Variants in ELP4 observed in about 807,000 individuals in gnomAD.
ELP4 encodes elongator acetyltransferase complex subunit 4.
ELP4 carries 51 observed loss-of-function variants against 48.9 expected under a neutral mutation model. The ratio of observed to expected loss-of-function variants is 1.04; its 90% CI spans 0.83 to 1.32. ELP4 has a LOEUF of 1.32. Among genes scored for constraint, ELP4 ranks in the 40% most tolerant of loss-of-function variants. ELP4 has a pLI of 0.00. For synonymous variants in ELP4, 210 were observed against 189.2 expected (o/e 1.11, Z -0.90); for missense variants, 519 against 514.6 (o/e 1.01, Z -0.08).
At chr11:31,743,852 C>T (rs1203410694) in intron 9 of ELP4, among the ~76,000 whole-genome samples, 1 of 152,062 alleles carries the variant, frequency 6.6e-6, no homozygotes, top group Admixed American at 6.5e-5. Flanking sequence ...AAAGCAAGAG[C>T]AAACACATTC....
intron 2 of ELP4, among the ~76,000 whole-genome samples, chr11:31,538,158 T>C (rs1477124324): frequency 6.6e-6 from 1 of 151,384 alleles, no homozygotes; most frequent in Non-Finnish European, 1.5e-5. Context: ...TATGTAGAAG[T>C]ACAATCAATA....
At chr11:31,694,301 A>C (rs568808032) in intron 9 of ELP4, among the ~76,000 whole-genome samples, 13 of 152,298 alleles carry the variant, frequency 8.5e-5, no homozygotes, top group South Asian at 2.1e-4. Flanking sequence ...TTTAGGTCTA[A>C]CATGTAAGTC....
Position 31,790,010 on chromosome 11 carries a change from G to T in ELP4, c.*6486G>T. 1 of 1,529,572 alleles carries T rather than the reference G, an allele frequency of 6.5e-7. No homozygotes were observed. Among genetic ancestry groups the T allele is most frequent in the Non-Finnish European group, 8.8e-7 (1 of 1,138,894 alleles). The allele number at this position is 1,529,572 out of a possible 1,614,324, so 94.8% of individuals were successfully genotyped here. On this transcript the variant is annotated 3_prime_UTR_variant, in exon 10 of 10. Coordinates refer to ENST00000640961, the MANE Select transcript of ELP4 (RefSeq NM_019040.5). The stretch of plus-strand genomic sequence containing the variant: ...TTGAACTGGAACTGACACACCAGGG[G>T]AAATGAGTCCTAGAAGTGGATGAAA...
chr11:31,608,608 G>A (rs1214146311), intron 5 of ELP4, among the ~76,000 whole-genome samples: 2 of 151,670 alleles, frequency 1.3e-5, no homozygotes, highest in Non-Finnish European at 2.9e-5. Flanking sequence ...GGGGTCAGGG[G>A]CCGTACTAGC....
chr11:31,570,895 G>A (rs1439238045), intron 3 of ELP4, among the ~76,000 whole-genome samples: 1 of 150,418 alleles, frequency 6.6e-6, no homozygotes, highest in Non-Finnish European at 1.5e-5. Context: ...CACTTCCTGG[G>A]TTCAAGCGAT....
chr11:31,673,043 G>A (rs1294560806), intron 9 of ELP4, among the ~76,000 whole-genome samples: 1 of 152,002 alleles, frequency 6.6e-6, no homozygotes, highest in African/African-American at 2.4e-5. Context: ...TTGAGATGGA[G>A]TCTCCCTCTG....
intron 3 of ELP4, among the ~76,000 whole-genome samples, chr11:31,585,415 A>G (rs1487988319): frequency 1.3e-5 from 2 of 152,006 alleles, no homozygotes; most frequent in Non-Finnish European, 2.9e-5. Context: ...TCACAAGAGA[A>G]TAAAGAGCCT....
At chr11:31,601,216 TTCTAGGC>T (rs1244470893) in intron 4 of ELP4, among the ~76,000 whole-genome samples, 4,014 of 152,142 alleles carry the variant, frequency 0.026, 163 homozygotes, top group African/African-American at 0.091. Context: ...TGTTTTATAA[TTCTAGGC>T]CTCAAAAGAT....
chr11:31,670,184 T>C (rs1199090444), intron 9 of ELP4, among the ~76,000 whole-genome samples: 1 of 152,198 alleles, frequency 6.6e-6, no homozygotes, highest in African/African-American at 2.4e-5. Context: ...TCCTCTTGCC[T>C]TTATAGACAT....
chr11:31,627,488 A>T (rs986537583), intron 6 of ELP4, among the ~76,000 whole-genome samples: 1 of 152,034 alleles, frequency 6.6e-6, no homozygotes. Flanking sequence ...GCATTTTGAG[A>T]ATTACTTTTA....
At chr11:31,524,927 G>A (rs1211863483) in intron 2 of ELP4, among the ~76,000 whole-genome samples, 2 of 152,160 alleles carry the variant, frequency 1.3e-5, no homozygotes, top group African/African-American at 4.8e-5. Flanking sequence ...TAAAGCTGCA[G>A]TGATCATGCC....
intron 5 of ELP4, among the ~76,000 whole-genome samples, chr11:31,608,434 C>G (rs1592154938): frequency 6.6e-6 from 1 of 151,832 alleles, no homozygotes; most frequent in African/African-American, 2.4e-5. Flanking sequence ...GGGTTGTAAG[C>G]CTTTTTGGTG....
chr11:31,775,220 G>GTT (rs1275234166), intron 9 of ELP4, among the ~76,000 whole-genome samples: 1 of 152,188 alleles, frequency 6.6e-6, no homozygotes, highest in Non-Finnish European at 1.5e-5. Flanking sequence ...GAAAAGCCAA[G>GTT]TTTAAACTTA....
chr11:31,763,652 C>A, intron 9 of ELP4: 1 of 1,165,132 alleles, frequency 8.6e-7, no homozygotes, highest in Non-Finnish European at 1.1e-6. Context: ...TGTTCACATA[C>A]TGCTATTTAA....
At chr11:31,577,707 G>C (rs184738149) in intron 3 of ELP4, among the ~76,000 whole-genome samples, 8 of 152,124 alleles carry the variant, frequency 5.3e-5, no homozygotes, top group Non-Finnish European at 1.0e-4. Context: ...ACGATTATAT[G>C]AATAGATGCA....
intron 9 of ELP4, among the ~76,000 whole-genome samples, chr11:31,691,692 A>G (rs1299825847): frequency 6.6e-6 from 1 of 152,182 alleles, no homozygotes; most frequent in African/African-American, 2.4e-5. Flanking sequence ...ACTAAAGGAC[A>G]TAGTTTATGA....
chr11:31,726,063 G>C (rs1026829774), intron 9 of ELP4, among the ~76,000 whole-genome samples: 2 of 152,172 alleles, frequency 1.3e-5, no homozygotes, highest in Non-Finnish European at 2.9e-5. Flanking sequence ...AAAATGAATA[G>C]GATTGAGGAA....
At chr11:31,696,516 C>T (rs1946410538) in intron 9 of ELP4, among the ~76,000 whole-genome samples, 1 of 152,130 alleles carries the variant, frequency 6.6e-6, no homozygotes, top group Non-Finnish European at 1.5e-5. Flanking sequence ...AGTTTGATTG[C>T]ACTGTGGTCT....
chr11:31,640,614 GAGAT>G, intron 7 of ELP4, among the ~76,000 whole-genome samples: 3 of 151,938 alleles, frequency 2.0e-5, no homozygotes, highest in Non-Finnish European at 4.4e-5. Context: ...GGACAGGGGA[GAGAT>G]TAAATTAGGC....
Sources: gnomAD v4.1 joint callset for allele counts (sites outside exome capture counted in the v4.1 genomes callset) on GRCh38, gnomAD v4.1.1 for gene constraint, MANE v1.5 for transcripts, NCBI Gene and HGNC (gene_info 2026-07-23, HGNC 2026-07-21) for gene names.